The following ESRRG variants were observed in gnomAD, a reference collection of about 807,000 sequenced individuals.
The protein encoded by ESRRG is estrogen related receptor gamma.
In ESRRG, 13 loss-of-function variants were observed where a neutral mutation model predicts 44.0. That is an observed-to-expected ratio of 0.30 (90% CI 0.19 to 0.47). The LOEUF is 0.47. Among genes scored for constraint, ESRRG ranks in the 20% least tolerant of loss-of-function variants. The pLI is 1.00. For missense variants in ESRRG, 395 were observed against 580.6 expected (o/e 0.68, Z 3.29); for synonymous variants, 215 against 214.6 (o/e 1.00, Z -0.02).
At chr1:216,779,491 TATTTATATATAA>T (rs2093821169) in intron 2 of ESRRG, among the ~76,000 whole-genome samples, 2 of 3,714 alleles carry the variant, frequency 5.4e-4, no homozygotes, top group Non-Finnish European at 8.8e-4. Flanking sequence ...TATAAATATA[TATTTATATATAA>T]ATATATATTT....
At chr1:217,126,139 C>A (rs545379159) in intron 1 of ESRRG, among the ~76,000 whole-genome samples, 12 of 152,140 alleles carry the variant, frequency 7.9e-5, no homozygotes, top group Admixed American at 6.5e-4. Flanking sequence ...GTTGTGCGGT[C>A]ATGGGCAGTA....
At chr1:217,008,616 A>G (rs569729154) in intron 1 of ESRRG, among the ~76,000 whole-genome samples, 1 of 152,236 alleles carries the variant, frequency 6.6e-6, no homozygotes, top group East Asian at 1.9e-4. Context: ...AATGAATTAA[A>G]CCCCAAGGGC....
chr1:216,671,144 T>A (rs898518360), intron 2 of ESRRG, among the ~76,000 whole-genome samples: 1 of 152,214 alleles, frequency 6.6e-6, no homozygotes, highest in Admixed American at 6.5e-5. Context: ...ACTACTTCAG[T>A]GCCTAAATTT....
rs1048914285 is a variant in ESRRG at position 217,104,685 on chromosome 1, C to T, written c.-230+32982G>A. Among the ~76,000 whole-genome samples the T allele has an allele frequency of 1.4e-4, 21 of 152,134 alleles. No homozygotes were observed. In the East Asian group the frequency reaches 3.7e-3, roughly 27 times the overall value. On this transcript the variant is annotated intron_variant, in intron 1 of 8. Coordinates refer to the ESRRG transcript ENST00000366940. ...AACTGGAATGTAGGTAGGAAAGGGT[C>T]TAGAGAATCAAGCATTTGGTGGCAC...
intron 3 of ESRRG, among the ~76,000 whole-genome samples, chr1:216,578,516 T>C (rs145692855): frequency 2.6e-5 from 4 of 152,168 alleles, no homozygotes; most frequent in Admixed American, 2.6e-4. Flanking sequence ...TTGTAAGTCT[T>C]AGTAGAATAA....
At chr1:216,875,818 A>G (rs1019081496) in intron 2 of ESRRG, among the ~76,000 whole-genome samples, 3 of 152,188 alleles carry the variant, frequency 2.0e-5, no homozygotes, top group Admixed American at 2.0e-4. Flanking sequence ...TATGTACAGC[A>G]TTAGTACATA....
chr1:216,542,072 CAGAG>C (rs3040899), intron 5 of ESRRG, among the ~76,000 whole-genome samples: 37,627 of 139,636 alleles, frequency 0.27, 4,903 homozygotes, highest in African/African-American at 0.36. Context: ...GTGTCTATGA[CAGAG>C]AGAGAGAGAG....
chr1:216,553,108 A>ATT (rs34643914), intron 5 of ESRRG, among the ~76,000 whole-genome samples: 31 of 147,068 alleles, frequency 2.1e-4, no homozygotes, highest in Admixed American at 6.8e-4. Flanking sequence ...AGCTTGACTT[A>ATT]TTTTTTTTTT....
chr1:216,582,350 T>G (rs1573501492), intron 3 of ESRRG, among the ~76,000 whole-genome samples: 1 of 152,278 alleles, frequency 6.6e-6, no homozygotes, highest in Non-Finnish European at 1.5e-5. Flanking sequence ...CAACAAAGGG[T>G]CTTTAAATTC....
At position 216,875,872 on chromosome 1, in the gene ESRRG, G is replaced by A. The variant is rs11572537; in HGVS notation, c.-14+63710C>T. 1.7e-3 allele frequency among the ~76,000 whole-genome samples: 260 copies of A among 152,120 alleles called. 3 individuals are homozygous for A. Among genetic ancestry groups the A allele is most frequent in the East Asian group, 0.014 (73 of 5,180 alleles). On this transcript the variant is annotated intron_variant, in intron 2 of 7. Transcript: ENST00000359162. The stretch of plus-strand genomic sequence containing the variant: ...GGTTTTCCCAATCTACACTCCCACC[G>A]GCAGATATGAGCGTTCCAGTTCCAG...
intron 1 of ESRRG, among the ~76,000 whole-genome samples, chr1:217,123,900 C>T (rs1663032847): frequency 6.6e-6 from 1 of 151,774 alleles, no homozygotes; most frequent in African/African-American, 2.4e-5. Flanking sequence ...CACATGTACC[C>T]CAGAGCTTAA....
chr1:217,046,894 A>G (rs563939158), intron 1 of ESRRG, among the ~76,000 whole-genome samples: 52 of 146,412 alleles, frequency 3.6e-4, no homozygotes, highest in Admixed American at 1.0e-3. Context: ...ATAAAAAAAA[A>G]GGGGGGGGAA....
Position 216,804,642 on chromosome 1 carries a change from C to CT in ESRRG, c.-13-127152dup, listed in dbSNP as rs879796338. Reference sequence around the variant, plus strand: ...TTGCTTGCTTCTGCTACACCACACACTTTTTTTTTTTAAATGACCAAATTA... The same window carrying CT: ...TTGCTTGCTTCTGCTACACCACACACTTTTTTTTTTTTAAATGACCAAATTA... On this transcript the variant is annotated intron_variant, in intron 2 of 7. Coordinates refer to the ESRRG transcript ENST00000359162. Among the ~76,000 whole-genome samples the CT allele has an allele frequency of 9.4e-3, 1,392 of 147,316 alleles. 13 individuals are homozygous for CT. Among genetic ancestry groups the CT allele is most frequent in the Non-Finnish European group, 0.01 (690 of 66,414 alleles).
At chr1:216,758,350 G>C (rs569410473) in intron 2 of ESRRG, among the ~76,000 whole-genome samples, 1 of 152,066 alleles carries the variant, frequency 6.6e-6, no homozygotes, top group South Asian at 2.1e-4. Context: ...TCCACCATTC[G>C]GCTGCAGTTA....
intron 2 of ESRRG, among the ~76,000 whole-genome samples, chr1:216,790,353 G>A (rs943562688): frequency 1.3e-5 from 2 of 152,118 alleles, no homozygotes; most frequent in Non-Finnish European, 2.9e-5. Context: ...TTCCCCATCT[G>A]TAAAATGGAC....
Position 216,504,290 on chromosome 1 carries a change from TA to T in ESRRG, c.*2648del. On this transcript the variant is annotated 3_prime_UTR_variant, in exon 7 of 7. Transcript: ENST00000408911. The stretch of plus-strand genomic sequence containing the variant: ...AAAATAATCTTTTTAAACACTTACA[TA>T]TATAAATAATCTTATAGAATCAGCA... 6.6e-6 allele frequency: 1 copy of T among 152,408 alleles called. No individual in the cohort carries two copies. Among genetic ancestry groups the T allele is most frequent in the African/African-American group, 2.4e-5 (1 of 41,580 alleles). 9.4% of individuals were successfully genotyped at this position (152,408 alleles called of 1,614,324 possible). A position where few individuals can be genotyped will look rare whatever the true frequency, so the allele number is the denominator to read the frequency against.
chr1:216,757,979 T>A (rs992617321), intron 2 of ESRRG, among the ~76,000 whole-genome samples: 4 of 151,866 alleles, frequency 2.6e-5, no homozygotes, highest in African/African-American at 4.8e-5. Flanking sequence ...AATGAACAAA[T>A]AAACAGCATT....
At chr1:217,083,850 A>G (rs1338854867) in intron 1 of ESRRG, among the ~76,000 whole-genome samples, 2 of 152,228 alleles carry the variant, frequency 1.3e-5, no homozygotes, top group South Asian at 2.1e-4. Context: ...CATGTTTACT[A>G]TAGTACTATA....
chr1:216,994,053 A>G (rs973054989), intron 1 of ESRRG, among the ~76,000 whole-genome samples: 3 of 152,200 alleles, frequency 2.0e-5, no homozygotes, highest in Non-Finnish European at 4.4e-5. Flanking sequence ...TTTTTAAAAA[A>G]TCTGTAAGTG....
Sources: gnomAD v4.1 joint callset for allele counts (sites outside exome capture counted in the v4.1 genomes callset) on GRCh38, gnomAD v4.1.1 for gene constraint, MANE v1.5 for transcripts, NCBI Gene and HGNC (gene_info 2026-07-23, HGNC 2026-07-21) for gene names.